The following PCDHGB4 variants were observed in gnomAD, a reference collection of about 807,000 sequenced individuals.
PCDHGB4 encodes the protein protocadherin gamma subfamily B, 4.
Under a neutral mutation model 60.5 loss-of-function variants are expected in PCDHGB4, and 38 were observed. The observed-to-expected ratio is 0.63, with a 90% CI of 0.48 to 0.82. The LOEUF (loss-of-function observed/expected upper bound fraction) is 0.82, where lower values mean the gene tolerates loss of function less well. PCDHGB4 is among the 40% of genes least tolerant of loss of function. The pLI, the probability that PCDHGB4 is intolerant of heterozygous loss-of-function variation, is 0.00. For synonymous variants in PCDHGB4, 456 were observed against 509.7 expected, an observed-to-expected ratio of 0.89 and a Z score of 1.42; for missense variants, 1,109 against 1,209.6, an observed-to-expected ratio of 0.92 and a Z score of 1.23.
rs1455759096 is a variant in PCDHGB4, at chr5:141,489,539, C to T, written c.2398-5268C>T. 6.2e-7 allele frequency: 1 copy of T among 1,613,980 alleles called. No individual in the cohort carries two copies. Among genetic ancestry groups the T allele is most frequent in the African/African-American group, 1.3e-5 (1 of 74,912 alleles). On this transcript the variant is annotated intron_variant, in intron 1 of 3. Coordinates refer to ENST00000519479, the MANE Select transcript of PCDHGB4 (RefSeq NM_003736.4). This position sits in a 1 kb window ranked among gnomAD's most constrained non-coding sequence, Gnocchi z 4.5. Reference sequence around the variant, plus strand: ...CGAGAAAGCCTATGTGGAGCCAGCACCAGCTGCCTGCTGCCAGTGCAGGTG... The same window carrying T: ...CGAGAAAGCCTATGTGGAGCCAGCATCAGCTGCCTGCTGCCAGTGCAGGTG...
In PCDHGB4 at chr5:141,388,229, C is replaced by A. The variant is rs1041340259; in HGVS notation, c.345C>A (p.Asn115Lys). 27 of 1,606,864 alleles carry A rather than the reference C, an allele frequency of 1.7e-5. No individual in the cohort carries two copies. Among genetic ancestry groups the A allele is most frequent in the Non-Finnish European group, 2.2e-5 (26 of 1,175,026 alleles). ...AGGCTGTTGCTGAAAATCCACTGAA[C>A]TTTTATCACGTGAATGTGGAGATCG... ...EFEAVAENPL[N>K]FYHVNVEIED... Residue 115 changes from asparagine (N) to lysine (K), a missense_variant, in exon 1 of 4, where the codon AAC (asparagine) becomes AAA (lysine). Physicochemically the swap from Asn to Lys is moderately conservative, Grantham distance 94. Coordinates refer to ENST00000519479, the MANE Select transcript of PCDHGB4 (RefSeq NM_003736.4).
At position 141,393,913 on chromosome 5, in the gene PCDHGB4, C is replaced by T. The variant is rs1170452204; in HGVS notation, c.2397+3632C>T. ...AATTCTCTTCCCGGGACAGTAATTG[C>T]CTTCTTGAGTGTGCATGACCAAGAC... On this transcript the variant is annotated intron_variant, in intron 1 of 3. Coordinates refer to ENST00000519479, the MANE Select transcript of PCDHGB4 (RefSeq NM_003736.4). 3.1e-6 allele frequency: 5 copies of T among 1,613,780 alleles called. No homozygotes were observed. The South Asian group carries it at 3.3e-5, about 11-fold the overall frequency.
At chr5:141,425,484 TA>T (rs929097245) in intron 1 of PCDHGB4, among the ~76,000 whole-genome samples, 1 of 152,258 alleles carries the variant, frequency 6.6e-6, no homozygotes, top group African/African-American at 2.4e-5. Context: ...TATGGCAACC[TA>T]CTAGGCTATA....
chr5:141,418,107 A>C, intron 1 of PCDHGB4: 1 of 1,614,036 alleles, frequency 6.2e-7, no homozygotes, highest in Non-Finnish European at 8.5e-7. Flanking sequence ...CAGAGCGGGG[A>C]CTTACTTGTG....
chr5:141,433,358 C>CCTATCTATCTATCTATCTAT (rs3074541), intron 1 of PCDHGB4: 39 of 504,044 alleles, frequency 7.7e-5, no homozygotes, highest in Admixed American at 1.8e-4. Context: ...CTACTGTCTG[C>CCTATCTATCTATCTATCTAT]CTATCTATCT....
Position 141,485,616 on chromosome 5 carries a change from C to T in PCDHGB4, c.2398-9191C>T. On this transcript the variant is annotated intron_variant, in intron 1 of 3. Coordinates refer to ENST00000519479, the MANE Select transcript of PCDHGB4 (RefSeq NM_003736.4). This position sits in a 1 kb window ranked among gnomAD's most constrained non-coding sequence, Gnocchi z 5.7. ...TTGGAAATTGGGGAGGCAGCTCCTCCAGGACAGCGTTTCCCGTTGGAAAAG... is the reference window on the plus strand; with the variant it reads ...TTGGAAATTGGGGAGGCAGCTCCTCTAGGACAGCGTTTCCCGTTGGAAAAG... 1 of 1,612,210 alleles carries T rather than the reference C, an allele frequency of 6.2e-7. No individual in the cohort carries two copies.
At chr5:141,394,376 C>G (rs1407081878) in intron 1 of PCDHGB4, 29 of 1,614,222 alleles carry the variant, frequency 1.8e-5, no homozygotes, top group Non-Finnish European at 2.5e-5. Flanking sequence ...AATCTTTCGA[C>G]TATGAGCAGA....
intron 1 of PCDHGB4, among the ~76,000 whole-genome samples, chr5:141,450,487 G>A (rs1379694010): frequency 1.3e-5 from 2 of 151,938 alleles, no homozygotes; most frequent in African/African-American, 2.4e-5. Context: ...TTGTTTGTTT[G>A]TCTGTTTGTT....
At chr5:141,402,597 T>G (rs1268830791) in intron 1 of PCDHGB4, among the ~76,000 whole-genome samples, 1 of 152,254 alleles carries the variant, frequency 6.6e-6, no homozygotes, top group African/African-American at 2.4e-5. Context: ...TAGATTGCTT[T>G]TGAAATACAA....
At position 141,389,996 on chromosome 5, in the gene PCDHGB4, C is replaced by T; in HGVS notation, c.2112C>T (p.Ala704=). Reference sequence around the variant, plus strand: ...TGATCTCAGTGCTCTTCCTCGTGGCCATGATTCTGGCCATTGCCTTGCGCC... The same window carrying T: ...TGATCTCAGTGCTCTTCCTCGTGGCTATGATTCTGGCCATTGCCTTGCGCC... ...LALISVLFLV[A]MILAIALRLR... Residue 704 remains alanine (A), a synonymous_variant, in exon 1 of 4, where the codon GCC becomes GCT. Transcript: ENST00000519479. 1 of 1,614,022 alleles carries T rather than the reference C, an allele frequency of 6.2e-7. No homozygotes were observed. Among genetic ancestry groups the T allele is most frequent in the Non-Finnish European group, 8.5e-7 (1 of 1,179,890 alleles).
chr5:141,403,717 G>GC (rs1561689685), intron 1 of PCDHGB4: 2 of 1,613,936 alleles, frequency 1.2e-6, no homozygotes, highest in South Asian at 2.2e-5. Flanking sequence ...TTGAGAACGT[G>GC]CCCCCAGGCA....
At chr5:141,451,925 G>A (rs1391178313) in intron 1 of PCDHGB4, among the ~76,000 whole-genome samples, 2 of 152,012 alleles carry the variant, frequency 1.3e-5, no homozygotes, top group East Asian at 3.8e-4. Context: ...AGGAAGGGAG[G>A]TAGGGAGGCA....
intron 1 of PCDHGB4, chr5:141,393,488 A>G: frequency 1.9e-6 from 3 of 1,614,066 alleles, no homozygotes; most frequent in Non-Finnish European, 2.5e-6. Context: ...GCTCTAGCAC[A>G]GTGCGCATCC....
intron 1 of PCDHGB4, chr5:141,404,968 G>A: frequency 6.2e-7 from 1 of 1,613,964 alleles, no homozygotes. Context: ...CAGACATCCT[G>A]GCTGACCTGG....
chr5:141,419,358 C>A (rs569760413), intron 1 of PCDHGB4: 1 of 1,613,810 alleles, frequency 6.2e-7, no homozygotes, highest in South Asian at 1.1e-5. Flanking sequence ...GAGTCACGAA[C>A]GCTGTCGTCC....
Position 141,486,683 on chromosome 5 carries a change from G to T in PCDHGB4, c.2398-8124G>T. The T allele has an allele frequency of 6.2e-7, 1 of 1,614,092 alleles. No homozygotes were observed. Among genetic ancestry groups the T allele is most frequent in the Non-Finnish European group, 8.5e-7 (1 of 1,180,026 alleles). ...GGAGCCCAGGAATCGAGATGTATCA[G>T]CTTCCTCTTTCATCTCTCTGAACCC... On this transcript the variant is annotated intron_variant, in intron 1 of 3. Transcript: ENST00000519479. This position sits in a 1 kb window ranked among gnomAD's most constrained non-coding sequence, Gnocchi z 5.0.
chr5:141,396,295 AG>A (rs1561657375), intron 1 of PCDHGB4: 1 of 151,978 alleles, frequency 6.6e-6, no homozygotes, highest in African/African-American at 2.4e-5. Flanking sequence ...ACTCCAGCCT[AG>A]GTGGCAGAAC....
intron 1 of PCDHGB4, among the ~76,000 whole-genome samples, chr5:141,438,948 G>A (rs2154558298): frequency 6.6e-6 from 1 of 152,142 alleles, no homozygotes; most frequent in Middle Eastern, 3.4e-3. Context: ...TTATAGGCAT[G>A]AGCCACCGCA....
intron 1 of PCDHGB4, chr5:141,475,850 G>A (rs2099376325): frequency 1.9e-5 from 9 of 464,524 alleles, no homozygotes; most frequent in Middle Eastern, 5.9e-4. Context: ...AGAGAGCCCG[G>A]CGCTAGCTCA....
Sources: gnomAD v4.1 joint callset for allele counts (sites outside exome capture counted in the v4.1 genomes callset) on GRCh38, gnomAD v4.1.1 for gene constraint, Gnocchi (gnomAD v3.1) non-coding constraint, MANE v1.5 for transcripts, NCBI Gene and HGNC (gene_info 2026-07-23, HGNC 2026-07-21) for gene names.